The following CDH8 variants were observed in gnomAD, a reference collection of about 807,000 sequenced individuals.
The protein encoded by CDH8 is cadherin 8.
Under a neutral mutation model 68.1 loss-of-function variants are expected in CDH8, and 17 were observed. The ratio of observed to expected loss-of-function variants is 0.25; its 90% confidence interval spans 0.17 to 0.37. The LOEUF is 0.37. Among genes scored for constraint, CDH8 ranks in the 10% least tolerant of loss-of-function variants. The probability of loss-of-function intolerance (pLI) is 1.00; values close to 1 mark genes in which losing one functional copy is unlikely to be tolerated. For synonymous variants in CDH8, 372 were observed against 365.1 expected (o/e 1.02, Z -0.21); for missense variants, 763 against 999.3 (o/e 0.76, Z 3.19).
chr16:61,742,595 T>C (rs980411989), intron 8 of CDH8, among the ~76,000 whole-genome samples: 3 of 152,190 alleles, frequency 2.0e-5, no homozygotes, highest in Admixed American at 2.0e-4. Flanking sequence ...TAAAGATAGA[T>C]CATCTTTTTC....
chr16:61,891,388 G>T (rs1263321383), intron 3 of CDH8, among the ~76,000 whole-genome samples: 1 of 152,094 alleles, frequency 6.6e-6, no homozygotes, highest in Non-Finnish European at 1.5e-5. Flanking sequence ...CAGACATAAT[G>T]TAGAAATAAC....
chr16:61,760,349 T>G (rs1447606381), intron 8 of CDH8, among the ~76,000 whole-genome samples: 1 of 151,924 alleles, frequency 6.6e-6, no homozygotes, highest in East Asian at 1.9e-4. Flanking sequence ...TCTCACTCAG[T>G]CGCCCAAGCT....
At chr16:61,761,551 A>G (rs1263944207) in intron 8 of CDH8, among the ~76,000 whole-genome samples, 1 of 152,150 alleles carries the variant, frequency 6.6e-6, no homozygotes, top group Non-Finnish European at 1.5e-5. Context: ...CCCTGTCTGA[A>G]TATTAGGATC....
At chr16:61,822,022 C>A (rs751767245) in intron 5 of CDH8, among the ~76,000 whole-genome samples, 2 of 151,868 alleles carry the variant, frequency 1.3e-5, no homozygotes, top group African/African-American at 4.8e-5. Context: ...AAAATTAATG[C>A]CTCCTGCAGA....
intron 10 of CDH8, among the ~76,000 whole-genome samples, chr16:61,682,088 T>C (rs1156541196): frequency 1.3e-5 from 2 of 151,898 alleles, no homozygotes; most frequent in African/African-American, 4.8e-5. Flanking sequence ...CTTACTCTTC[T>C]ATAACAAAAA....
At position 61,668,619 on chromosome 16, in the gene CDH8, T is replaced by G. The variant is rs568705223; in HGVS notation, c.1655-12898A>C. On this transcript the variant is annotated intron_variant, in intron 10 of 11. Coordinates refer to ENST00000577390, the MANE Select transcript of CDH8 (RefSeq NM_001796.5). ...GAAAGAATATTTTATCTATTTGGATTTATGAAGAAGGGTAAAAAATGCATT... is the reference window on the plus strand; with the variant it reads ...GAAAGAATATTTTATCTATTTGGATGTATGAAGAAGGGTAAAAAATGCATT... 2.0e-5 allele frequency among the ~76,000 whole-genome samples: 3 copies of G among 151,488 alleles called. No homozygotes were observed. The South Asian group carries it at 6.2e-4, about 31-fold the overall frequency.
At chr16:61,916,896 A>G (rs1161009155) in intron 2 of CDH8, among the ~76,000 whole-genome samples, 3 of 152,216 alleles carry the variant, frequency 2.0e-5, no homozygotes, top group South Asian at 2.1e-4. Flanking sequence ...TCTTTAAATG[A>G]TAAATATGTA....
intron 8 of CDH8, among the ~76,000 whole-genome samples, chr16:61,788,981 T>G (rs1367683215): frequency 1.3e-5 from 2 of 152,136 alleles, no homozygotes; most frequent in Non-Finnish European, 2.9e-5. Context: ...ATATTGTATG[T>G]ACCATACTAT....
intron 8 of CDH8, among the ~76,000 whole-genome samples, chr16:61,750,226 C>T (rs1445772980): frequency 6.6e-6 from 1 of 152,056 alleles, no homozygotes; most frequent in East Asian, 1.9e-4. Flanking sequence ...TTGGCTCACT[C>T]TAAGGAGTTG....
chr16:61,757,435 G>T (rs1384112636), intron 8 of CDH8, among the ~76,000 whole-genome samples: 1 of 151,986 alleles, frequency 6.6e-6, no homozygotes, highest in Admixed American at 6.6e-5. Flanking sequence ...TAAAGTCTTT[G>T]AGAACTCTAA....
intron 10 of CDH8, among the ~76,000 whole-genome samples, chr16:61,662,070 A>T (rs1433091557): frequency 2.6e-4 from 26 of 100,440 alleles, no homozygotes; most frequent in African/African-American, 2.9e-4. Context: ...TTTTTTTTTT[A>T]CTTTAGTTTT....
intron 10 of CDH8, among the ~76,000 whole-genome samples, chr16:61,673,488 T>A (rs1193032338): frequency 1.3e-5 from 2 of 152,190 alleles, no homozygotes; most frequent in Non-Finnish European, 2.9e-5. Context: ...GCATTTCCCC[T>A]TCCAAATTCC....
intron 2 of CDH8, among the ~76,000 whole-genome samples, chr16:61,954,918 T>C (rs1964960884): frequency 6.6e-6 from 1 of 152,094 alleles, no homozygotes; most frequent in Admixed American, 6.5e-5. Flanking sequence ...TTTGTAGCAA[T>C]AATATGAAAA....
chr16:61,873,035 A>AT (rs1963398227), intron 3 of CDH8, among the ~76,000 whole-genome samples: 1 of 152,220 alleles, frequency 6.6e-6, no homozygotes. Context: ...ATTGTGAAAG[A>AT]TAACAGCTTA....
chr16:61,998,109 T>C (rs117528676), intron 2 of CDH8, among the ~76,000 whole-genome samples: 2,514 of 152,140 alleles, frequency 0.017, 33 homozygotes, highest in Non-Finnish European at 0.027. Flanking sequence ...TTTATGGTAA[T>C]GGAAAAAAAT....
At chr16:61,825,956 TC>T (rs896015021) in intron 4 of CDH8, among the ~76,000 whole-genome samples, 6 of 151,936 alleles carry the variant, frequency 3.9e-5, no homozygotes, top group African/African-American at 1.4e-4. Flanking sequence ...AATTTAATAT[TC>T]TTGTTAAAGA....
intron 2 of CDH8, among the ~76,000 whole-genome samples, chr16:61,946,811 G>T (rs1204065143): frequency 6.6e-6 from 1 of 152,178 alleles, no homozygotes; most frequent in East Asian, 1.9e-4. Context: ...GCTATCTGTT[G>T]ATTCTATTCT....
intron 8 of CDH8, among the ~76,000 whole-genome samples, chr16:61,748,262 T>C (rs904474276): frequency 6.6e-6 from 1 of 152,062 alleles, no homozygotes; most frequent in Admixed American, 6.6e-5. Context: ...TACATGCTGT[T>C]TATTGAACAC....
intron 7 of CDH8, among the ~76,000 whole-genome samples, chr16:61,808,911 C>G (rs544336161): frequency 6.6e-6 from 1 of 152,104 alleles, no homozygotes; most frequent in Non-Finnish European, 1.5e-5. Flanking sequence ...CTAGACCAGG[C>G]GCAGTGGCTA....
Sources: allele counts gnomAD v4.1 joint callset (sites outside exome capture counted in the v4.1 genomes callset), GRCh38; gene constraint gnomAD v4.1.1; transcripts MANE v1.5; gene names NCBI Gene and HGNC (gene_info 2026-07-23, HGNC 2026-07-21).